The following HSPA4L variants were observed in gnomAD, a reference collection of about 807,000 sequenced individuals.
HSPA4L encodes the protein heat shock 70 kDa protein 4L.
A neutral mutation model predicts 100.3 loss-of-function variants in HSPA4L; 48 were observed. That is an observed-to-expected ratio of 0.48 (90% CI 0.38 to 0.61). The LOEUF (loss-of-function observed/expected upper bound fraction) is 0.61. Among genes scored for constraint, HSPA4L ranks in the 20% least tolerant of loss-of-function variants. The probability of loss-of-function intolerance (pLI) is 0.00; values close to 1 mark genes in which losing one functional copy is unlikely to be tolerated. For missense variants in HSPA4L, 886 were observed against 988.6 expected (o/e 0.90, Z 1.39); for synonymous variants, 319 against 328.2 (o/e 0.97, Z 0.30).
intron 2 of HSPA4L, among the ~76,000 whole-genome samples, chr4:127,794,654 T>C: frequency 6.6e-6 from 1 of 152,106 alleles, no homozygotes; most frequent in Non-Finnish European, 1.5e-5. Context: ...CCTTGGACTT[T>C]CATTACCTCC....
rs577318088 is a variant in HSPA4L at position 127,800,666 on chromosome 4, A to G, written c.430-472A>G. Among the ~76,000 whole-genome samples, 7 of 152,302 alleles carry G rather than the reference A, an allele frequency of 4.6e-5. No individual in the cohort carries two copies. In the East Asian group the frequency reaches 7.7e-4, roughly 17 times the overall value. On this transcript the variant is annotated intron_variant, in intron 4 of 18. Transcript: ENST00000296464. ...TTCTGGTTGGGTGTATATACGCACG[A>G]TAATGAAGTAATGTTATATGTGCCC...
At position 127,839,775 on chromosome 4, in the gene HSPA4L, A is replaced by C. The variant is rs2148806103; in HGVS notation, c.*6901A>C. ...ATGTTGTATTTTTTCCCTGAAATAA[A>C]CTTTTATGATTTAATGTCTTGGAAA... On this transcript the variant is annotated 3_prime_UTR_variant, in exon 19 of 19. Transcript: ENST00000296464. The C allele has an allele frequency of 6.6e-6, 1 of 152,266 alleles. No homozygotes were observed. The highest frequency in any genetic ancestry group is 2.1e-4 in the South Asian group (1 of 4,814). 9.4% of individuals were successfully genotyped at this position (152,266 alleles called of 1,614,324 possible). A position where few individuals can be genotyped will look rare whatever the true frequency, so the allele number is the denominator to read the frequency against.
rs116779779 is a variant in HSPA4L, at chr4:127,826,462, G to A, written c.2047-843G>A. On this transcript the variant is annotated intron_variant, in intron 16 of 18. Coordinates refer to ENST00000296464, the MANE Select transcript of HSPA4L (RefSeq NM_014278.4). ...ACATTTAAACTATAAAAAGTATGAC[G>A]TGAATAGACCAAATGTAGTAATGGT... Among the ~76,000 whole-genome samples, 653 of 152,172 alleles carry A rather than the reference G, an allele frequency of 4.3e-3. 3 individuals carry two copies. Among genetic ancestry groups the A allele is most frequent in the Non-Finnish European group, 7.1e-3 (483 of 67,996 alleles).
chr4:127,788,804 A>G (rs912932435), intron 1 of HSPA4L, among the ~76,000 whole-genome samples: 6 of 152,210 alleles, frequency 3.9e-5, no homozygotes, highest in Admixed American at 1.3e-4. Flanking sequence ...CCAACAAAGA[A>G]TTATCTGGGC....
intron 16 of HSPA4L, 83 bp downstream of exon 16, chr4:127,823,707 T>C: frequency 4.1e-6 from 3 of 725,224 alleles, no homozygotes; most frequent in Non-Finnish European, 6.8e-6. Flanking sequence ...TTATGTTCTA[T>C]TAATTTTTAA....
intron 1 of HSPA4L, among the ~76,000 whole-genome samples, chr4:127,790,231 A>G (rs944979463): frequency 6.6e-6 from 1 of 152,220 alleles, no homozygotes; most frequent in South Asian, 2.1e-4. Context: ...TCAACCTACA[A>G]ATAAGATTTT....
upstream of HSPA4L, chr4:127,782,183 T>C: frequency 2.4e-6 from 1 of 417,302 alleles, no homozygotes; most frequent in East Asian, 7.7e-5. Flanking sequence ...GGGCAGCCGT[T>C]GCCCGAGTGC....
intron 1 of HSPA4L, among the ~76,000 whole-genome samples, chr4:127,790,480 A>T (rs555274173): frequency 1.3e-5 from 2 of 152,328 alleles, no homozygotes; most frequent in African/African-American, 4.8e-5. Flanking sequence ...TTTATAAGAG[A>T]TGTGAAGATG....
chr4:127,797,057 A>C (rs1342372255), intron 3 of HSPA4L, among the ~76,000 whole-genome samples: 1 of 152,158 alleles, frequency 6.6e-6, no homozygotes, highest in East Asian at 1.9e-4. Context: ...TTCTGACTAA[A>C]AGGTGGATGA....
At chr4:127,782,804 T>A (rs1732601560) in intron 1 of HSPA4L, 147 bp downstream of exon 1, 1 of 603,780 alleles carries the variant, frequency 1.7e-6, no homozygotes, top group African/African-American at 1.9e-5. Flanking sequence ...TCAACCGCAG[T>A]CCCTAGAGAC....
rs750076842 is a variant in HSPA4L, at chr4:127,818,308, A to G, written c.1579-17A>G. ...AAAGACACTGCGTATATTATCAATT[A>G]TGTATTTTCTTTCTAGGATAAAATG... is the stretch of plus-strand genomic sequence containing the variant. On this transcript the variant is annotated splice_polypyrimidine_tract_variant and intron_variant, in intron 12 of 18. Coordinates refer to ENST00000296464, the MANE Select transcript of HSPA4L (RefSeq NM_014278.4). The G allele has an allele frequency of 7.1e-6, 11 of 1,541,854 alleles. No individual in the cohort carries two copies. In the African/African-American group the frequency reaches 9.5e-5, roughly 13 times the overall value.
Position 127,830,693 on chromosome 4 carries a change from T to A in HSPA4L, c.2222T>A (p.Ile741Asn). The A allele has an allele frequency of 6.2e-7, 1 of 1,609,926 alleles. No individual in the cohort carries two copies. The highest frequency in any genetic ancestry group is 8.5e-7 in the Non-Finnish European group (1 of 1,178,116). Residue 741 changes from isoleucine (I) to asparagine (N), a missense_variant, in exon 18 of 19, where the codon ATC becomes AAC. By Grantham distance (149) the Ile-to-Asn change is moderately radical. Coordinates refer to ENST00000296464, the MANE Select transcript of HSPA4L (RefSeq NM_014278.4). ...PTEMEKVEKC[I>N]SDAMSWLNSK... Reference sequence around the variant, plus strand: ...GAAATGGAAAAGGTTGAAAAATGTATCAGTGATGCCATGAGTTGGCTGAAT... The same window carrying A: ...GAAATGGAAAAGGTTGAAAAATGTAACAGTGATGCCATGAGTTGGCTGAAT...
intron 4 of HSPA4L, among the ~76,000 whole-genome samples, chr4:127,800,325 A>T (rs1365269045): frequency 4.6e-5 from 7 of 151,948 alleles, no homozygotes; most frequent in Non-Finnish European, 5.9e-5. Context: ...TTAACTAGCC[A>T]GGCATGGTGG....
At chr4:127,782,214 C>A, upstream of HSPA4L, 1 of 400,542 alleles carries the variant, frequency 2.5e-6, no homozygotes. Context: ...GGCCGAAGTC[C>A]GGGCCCGGAG....
intron 1 of HSPA4L, among the ~76,000 whole-genome samples, chr4:127,783,181 C>CTT (rs11301869): frequency 5.5e-5 from 8 of 146,094 alleles, no homozygotes; most frequent in South Asian, 2.2e-4. Context: ...CCCCGAAAGC[C>CTT]TTTTTTTTTT....
chr4:127,822,117 CACT>C (rs1733828841), intron 14 of HSPA4L, among the ~76,000 whole-genome samples: 1 of 152,064 alleles, frequency 6.6e-6, no homozygotes, highest in East Asian at 1.9e-4. Flanking sequence ...CATCCATCAC[CACT>C]GTCTATTTTC....
chr4:127,789,865 T>A (rs1041866852), intron 1 of HSPA4L, among the ~76,000 whole-genome samples: 1 of 152,218 alleles, frequency 6.6e-6, no homozygotes, highest in Non-Finnish European at 1.5e-5. Flanking sequence ...AGCAAATATG[T>A]GTTTAATTTA....
chr4:127,794,026 C>T (rs777984447), intron 1 of HSPA4L, 51 bp from the exon 2 acceptor site: 1 of 1,296,102 alleles, frequency 7.7e-7, no homozygotes, highest in Non-Finnish European at 1.1e-6. Flanking sequence ...AAAATAATAG[C>T]ACAATAATAT....
In HSPA4L at chr4:127,788,342, C is replaced by G. The variant is rs574599915; in HGVS notation, c.107+5685C>G. Among the ~76,000 whole-genome samples, 12 of 152,080 alleles carry G rather than the reference C, an allele frequency of 7.9e-5. No individual in the cohort carries two copies. In the East Asian group the frequency reaches 1.2e-3, roughly 15 times the overall value. ...TTTGTTATTACTAAATCATATGTGC[C>G]CAGAAGTCTTATTTTTAAGTAGCAA... On this transcript the variant is annotated intron_variant, in intron 1 of 18. Coordinates refer to ENST00000296464, the MANE Select transcript of HSPA4L (RefSeq NM_014278.4).
Sources: allele counts gnomAD v4.1 joint callset (sites outside exome capture counted in the v4.1 genomes callset), GRCh38; gene constraint gnomAD v4.1.1; transcripts MANE v1.5; gene names NCBI Gene and HGNC (gene_info 2026-07-23, HGNC 2026-07-21).